The following ITGA3 variants were observed in gnomAD, a reference collection of about 807,000 sequenced individuals.
ITGA3 encodes integrin subunit alpha 3.
ITGA3 carries 70 observed loss-of-function variants against 131.1 expected under a neutral mutation model. The ratio of observed to expected loss-of-function variants is 0.53; its 90% CI spans 0.44 to 0.65. The LOEUF (loss-of-function observed/expected upper bound fraction) is 0.65, where lower values mean the gene tolerates loss of function less well. Ranked by LOEUF, ITGA3 falls within the 30% of genes least tolerant of loss-of-function variation. The pLI, the probability that ITGA3 is intolerant of heterozygous loss-of-function variation, is 0.00. For synonymous variants in ITGA3, 537 were observed against 571.6 expected, an observed-to-expected ratio of 0.94 and a Z score of 0.86; for missense variants, 1,098 against 1,388.6, an observed-to-expected ratio of 0.79 and a Z score of 3.33.
chr17:50,078,306 C>G (rs1909018136), intron 18 of ITGA3, 22 bp downstream of exon 18: 1 of 1,597,740 alleles, frequency 6.3e-7, no homozygotes, highest in Non-Finnish European at 8.6e-7. Flanking sequence ...TCTCCACCAC[C>G]CCCACCCCAG....
chr17:50,087,680 A>C, intron 23 of ITGA3, 64 bp from the exon 24 acceptor site: 1 of 1,536,806 alleles, frequency 6.5e-7, no homozygotes, highest in Non-Finnish European at 8.9e-7. Flanking sequence ...CAGCTAGGAT[A>C]GGAAGGGTGA....
intron 5 of ITGA3, 106 bp from the exon 6 acceptor site, chr17:50,071,205 T>C: frequency 9.7e-7 from 1 of 1,032,228 alleles, no homozygotes; most frequent in Non-Finnish European, 1.4e-6. Context: ...AATAGTGGGA[T>C]AGAACATCAT....
chr17:50,064,033 C>T lies in ITGA3; in HGVS notation c.207-44C>T, dbSNP rs1312471522. 1.2e-6 allele frequency: 2 copies of T among 1,604,960 alleles called. 1 individual carries two copies. Among genetic ancestry groups the T allele is most frequent in the South Asian group, 2.2e-5 (2 of 89,516 alleles). On this transcript the variant is annotated intron_variant, in intron 1 of 25. Transcript: ENST00000320031. The surrounding 1 kb of genome is among the most constrained non-coding windows in gnomAD (Gnocchi z 4.4). ...AAATAACAAGTTGTTCCAAGTGGGG[C>T]TTGGGGAGTCTGAACCCGGACCCAC... is the stretch of plus-strand genomic sequence containing the variant.
chr17:50,078,687 G>A, intron 18 of ITGA3, 137 bp from the exon 19 acceptor site: 1 of 660,936 alleles, frequency 1.5e-6, no homozygotes, highest in Non-Finnish European at 2.7e-6. Flanking sequence ...CATAAAGCTT[G>A]TAAATGCAGA....
Position 50,076,959 on chromosome 17 carries a change from G to A in ITGA3, c.1923-15G>A. On this transcript the variant is annotated splice_polypyrimidine_tract_variant and intron_variant, in intron 14 of 25. Transcript: ENST00000320031. Reference sequence around the variant, plus strand: ...GGGCGGGGCTCTTGGCTGAGTCCTGGGCTCCTGCTCTCAGGCTCCAGTACA... The same window carrying A: ...GGGCGGGGCTCTTGGCTGAGTCCTGAGCTCCTGCTCTCAGGCTCCAGTACA... 8 of 1,598,718 alleles carry A rather than the reference G, an allele frequency of 5.0e-6. No homozygotes were observed. Among genetic ancestry groups the A allele is most frequent in the Non-Finnish European group, 6.8e-6 (8 of 1,169,794 alleles).
In ITGA3 at chr17:50,064,422, C is replaced by G. The variant is rs993948151; in HGVS notation, c.335-106C>G. 8 of 1,216,028 alleles carry G rather than the reference C, an allele frequency of 6.6e-6. No individual in the cohort carries two copies. Among genetic ancestry groups the G allele is most frequent in the Non-Finnish European group, 9.3e-6 (8 of 864,480 alleles). 75.3% of individuals were successfully genotyped at this position (1,216,028 alleles called of 1,614,324 possible). A position where few individuals can be genotyped will look rare whatever the true frequency, so the allele number is the denominator to read the frequency against. ...GGAGAAGGGGAGTTGGGAGGGCTGC[C>G]CTGTGGGTGGAGGGCCCAAGCGGGA... On this transcript the variant is annotated intron_variant, in intron 2 of 25. Coordinates refer to ENST00000320031, the MANE Select transcript of ITGA3 (RefSeq NM_002204.4). This position sits in a 1 kb window ranked among gnomAD's most constrained non-coding sequence, Gnocchi z 4.4.
At position 50,077,456 on chromosome 17, in the gene ITGA3, C is replaced by A. The variant is rs750694274; in HGVS notation, c.2139+9C>A. 3 of 1,605,886 alleles carry A rather than the reference C, an allele frequency of 1.9e-6. No individual in the cohort carries two copies. On this transcript the variant is annotated intron_variant, in intron 16 of 25. Transcript: ENST00000320031. ...TCAAACGGAACCAGAGGGTGAGCACCGGCCACATCCTCCCAGTCCTCCTGG... is the reference window on the plus strand; with the variant it reads ...TCAAACGGAACCAGAGGGTGAGCACAGGCCACATCCTCCCAGTCCTCCTGG...
intron 1 of ITGA3, among the ~76,000 whole-genome samples, chr17:50,057,021 C>G (rs9912477): frequency 0.012 from 1,795 of 152,330 alleles, 40 homozygotes; most frequent in African/African-American, 0.04. Flanking sequence ...CGGACTCCCC[C>G]CTTCCCGTAC....
chr17:50,060,434 G>A (rs1003018458), intron 1 of ITGA3, among the ~76,000 whole-genome samples: 5 of 152,224 alleles, frequency 3.3e-5, no homozygotes, highest in African/African-American at 9.6e-5. Flanking sequence ...ACTGTGCCGC[G>A]CCCTTCTTTG....
At chr17:50,084,755 C>CA (rs200649430) in intron 23 of ITGA3, among the ~76,000 whole-genome samples, 2,006 of 151,830 alleles carry the variant, frequency 0.013, 46 homozygotes, top group African/African-American at 0.045. Context: ...CCCATCTCTA[C>CA]AAAAAAAATC....
At chr17:50,081,538 G>C in intron 23 of ITGA3, 130 bp downstream of exon 23, 1 of 708,750 alleles carries the variant, frequency 1.4e-6, no homozygotes, top group Non-Finnish European at 2.4e-6. Context: ...AGAGTATCTG[G>C]AGGAGTTCTG....
chr17:50,073,508 T>A (rs1908722224), intron 7 of ITGA3, among the ~76,000 whole-genome samples: 1 of 151,926 alleles, frequency 6.6e-6, no homozygotes, highest in African/African-American at 2.4e-5. Flanking sequence ...GGAGGATCCC[T>A]TCAGTCCAGG....
Position 50,075,443 on chromosome 17 carries a change from T to C in ITGA3, c.1470-16T>C. 6.2e-7 allele frequency: 1 copy of C among 1,614,074 alleles called. No homozygotes were observed. Among genetic ancestry groups the C allele is most frequent in the Non-Finnish European group, 8.5e-7 (1 of 1,179,916 alleles). ...TGTCCCACTGTGACCCGCCCTCCTG[T>C]ACATCCCTCCAACAGTGTGCAAGTG... On this transcript the variant is annotated splice_polypyrimidine_tract_variant and intron_variant, in intron 10 of 25. Coordinates refer to ENST00000320031, the MANE Select transcript of ITGA3 (RefSeq NM_002204.4).
chr17:50,060,682 C>A (rs374128360), intron 1 of ITGA3, among the ~76,000 whole-genome samples: 7 of 152,170 alleles, frequency 4.6e-5, no homozygotes, highest in Admixed American at 2.0e-4. Flanking sequence ...CTGCTCCCCC[C>A]AGTCCAGCCT....
intron 5 of ITGA3, 75 bp downstream of exon 5, chr17:50,071,005 G>A (rs1393473591): frequency 2.1e-6 from 2 of 965,470 alleles, no homozygotes; most frequent in Non-Finnish European, 3.4e-6. Flanking sequence ...GGTGAGGCCA[G>A]AGTGCAGTTG....
chr17:50,071,167 C>T, intron 5 of ITGA3, 144 bp from the exon 6 acceptor site: 1 of 780,394 alleles, frequency 1.3e-6, no homozygotes, highest in Non-Finnish European at 2.1e-6. Flanking sequence ...TGCTGGCCAT[C>T]TGGAGTCTAC....
In ITGA3 at chr17:50,089,164, G is replaced by C; in HGVS notation, c.*86G>C. Reference sequence around the variant, plus strand: ...TCAGATCATGCCCAAGTACCACGCAGTGCGGATCCGGGAGGAGGAGCGCTA... The same window carrying C: ...TCAGATCATGCCCAAGTACCACGCACTGCGGATCCGGGAGGAGGAGCGCTA... On this transcript the variant is annotated 3_prime_UTR_variant, in exon 26 of 26. Coordinates refer to ENST00000320031, the MANE Select transcript of ITGA3 (RefSeq NM_002204.4). The C allele has an allele frequency of 6.2e-7, 1 of 1,613,528 alleles. No homozygotes were observed. The highest frequency in any genetic ancestry group is 8.5e-7 in the Non-Finnish European group (1 of 1,179,658).
At chr17:50,061,517 G>A (rs960384069) in intron 1 of ITGA3, among the ~76,000 whole-genome samples, 4 of 140,890 alleles carry the variant, frequency 2.8e-5, no homozygotes, top group Non-Finnish European at 6.0e-5. Context: ...ACTGAGGCCC[G>A]GACCCCTTAG....
At chr17:50,081,225 G>T in intron 22 of ITGA3, 85 bp from the exon 23 acceptor site, 1 of 805,236 alleles carries the variant, frequency 1.2e-6, no homozygotes, top group Non-Finnish European at 2.1e-6. Flanking sequence ...TGGTGGGAGG[G>T]TGATGGGGTG....
Sources: gnomAD v4.1 joint callset for allele counts (sites outside exome capture counted in the v4.1 genomes callset) on GRCh38, gnomAD v4.1.1 for gene constraint, Gnocchi (gnomAD v3.1) non-coding constraint, MANE v1.5 for transcripts, NCBI Gene and HGNC (gene_info 2026-07-23, HGNC 2026-07-21) for gene names.